Variants in CNTNAP5 observed in about 807,000 individuals in gnomAD.
CNTNAP5 encodes contactin-associated protein-like 5.
Under a neutral mutation model 150.2 loss-of-function variants are expected in CNTNAP5, and 72 were observed. That is an observed-to-expected ratio of 0.48 (90% CI 0.40 to 0.58). CNTNAP5 has a LOEUF of 0.58. Among genes scored for constraint, CNTNAP5 ranks in the 20% least tolerant of loss-of-function variants. The pLI, the probability that CNTNAP5 is intolerant of heterozygous loss-of-function variation, is 0.00. For missense variants in CNTNAP5, 1,636 were observed against 1,626.2 expected, an observed-to-expected ratio of 1.01 and a Z score of -0.10; for synonymous variants, 672 against 619.8, an observed-to-expected ratio of 1.08 and a Z score of -1.25.
At chr2:124,279,403 G>A (rs1377959066) in intron 3 of CNTNAP5, among the ~76,000 whole-genome samples, 1 of 151,934 alleles carries the variant, frequency 6.6e-6, no homozygotes, top group African/African-American at 2.4e-5. Flanking sequence ...GAAAACAGAG[G>A]AACCACCCAG....
intron 1 of CNTNAP5, among the ~76,000 whole-genome samples, chr2:124,161,568 A>T (rs1223118766): frequency 6.6e-6 from 1 of 152,162 alleles, no homozygotes; most frequent in Non-Finnish European, 1.5e-5. Flanking sequence ...AAAATGTATT[A>T]AGTATGTGTT....
chr2:124,786,398 A>AGAAGGAAGGAAGGAAG (rs773411166), intron 17 of CNTNAP5, among the ~76,000 whole-genome samples: 51 of 45,198 alleles, frequency 1.1e-3, no homozygotes, highest in East Asian at 3.4e-3. Context: ...AAAGAAAGAA[A>AGAAGGAAGGAAGGAAG]GAAGGAAGGA....
intron 3 of CNTNAP5, among the ~76,000 whole-genome samples, chr2:124,258,014 T>C (rs1358493247): frequency 6.6e-6 from 1 of 152,192 alleles, no homozygotes. Flanking sequence ...CCGTCACTCA[T>C]TAAATCTGTC....
intron 19 of CNTNAP5, among the ~76,000 whole-genome samples, chr2:124,842,811 T>C (rs1026879379): frequency 6.6e-6 from 1 of 152,092 alleles, no homozygotes; most frequent in African/African-American, 2.4e-5. Flanking sequence ...TAGAAAACCA[T>C]CATAGTTGAG....
At chr2:124,618,554 G>A (rs1482675380) in intron 12 of CNTNAP5, among the ~76,000 whole-genome samples, 1 of 152,112 alleles carries the variant, frequency 6.6e-6, no homozygotes, top group East Asian at 1.9e-4. Flanking sequence ...TGACCACTTT[G>A]ACCTCAGTCT....
At chr2:124,815,123 G>C (rs1310993177) in intron 19 of CNTNAP5, among the ~76,000 whole-genome samples, 1 of 152,180 alleles carries the variant, frequency 6.6e-6, no homozygotes, top group African/African-American at 2.4e-5. Context: ...CAATAACTAA[G>C]TAAGCCTGGG....
chr2:124,064,310 G>A (rs935668037), intron 1 of CNTNAP5, among the ~76,000 whole-genome samples: 2 of 152,048 alleles, frequency 1.3e-5, no homozygotes, highest in East Asian at 1.9e-4. Flanking sequence ...GAGGTCACTC[G>A]CTATAGGGTT....
intron 3 of CNTNAP5, among the ~76,000 whole-genome samples, chr2:124,258,801 T>C (rs1412141476): frequency 3.3e-5 from 5 of 152,210 alleles, no homozygotes; most frequent in African/African-American, 1.2e-4. Flanking sequence ...TATGCATCAT[T>C]GGACCTTTGA....
At chr2:124,755,825 G>A (rs1680828877) in intron 14 of CNTNAP5, among the ~76,000 whole-genome samples, 2 of 152,158 alleles carry the variant, frequency 1.3e-5, no homozygotes. Flanking sequence ...ATTTTTGCTG[G>A]TATCATTGTC....
Position 124,657,673 on chromosome 2 carries a change from C to T in CNTNAP5, c.2077+9715C>T, listed in dbSNP as rs541319880. Reference sequence around the variant, plus strand: ...CAAAACCCAGACTCCTAACTGTAGCCTGCAGAGCTCTGCCAGCCACAGGCC... The same window carrying T: ...CAAAACCCAGACTCCTAACTGTAGCTTGCAGAGCTCTGCCAGCCACAGGCC... On this transcript the variant is annotated intron_variant, in intron 13 of 23. Transcript: ENST00000682447. 4.6e-5 allele frequency among the ~76,000 whole-genome samples: 7 copies of T among 152,320 alleles called. No individual in the cohort carries two copies. In the South Asian group the frequency reaches 1.5e-3, roughly 32 times the overall value.
chr2:124,434,406 G>C, intron 4 of CNTNAP5, 78 bp from the exon 5 acceptor site: 1 of 1,127,686 alleles, frequency 8.9e-7, no homozygotes, highest in Non-Finnish European at 1.3e-6. Flanking sequence ...AACTGGACAT[G>C]AAATAAGATG....
At chr2:124,514,250 ATGT>A (rs141074132) in intron 8 of CNTNAP5, among the ~76,000 whole-genome samples, 5,333 of 152,308 alleles carry the variant, frequency 0.035, 129 homozygotes, top group Non-Finnish European at 0.047. Context: ...AAGGTTGGAA[ATGT>A]TTACCAAAGT....
chr2:124,407,397 G>T (rs1272469260), intron 3 of CNTNAP5, among the ~76,000 whole-genome samples: 1 of 152,098 alleles, frequency 6.6e-6, no homozygotes, highest in African/African-American at 2.4e-5. Context: ...GAGGTCAGGG[G>T]AAAGCTTCCT....
At chr2:124,763,339 T>G (rs1300740133) in intron 14 of CNTNAP5, among the ~76,000 whole-genome samples, 1 of 152,166 alleles carries the variant, frequency 6.6e-6, no homozygotes, top group Non-Finnish European at 1.5e-5. Flanking sequence ...TTTATGGGAA[T>G]GAGAGGTGAG....
intron 12 of CNTNAP5, among the ~76,000 whole-genome samples, chr2:124,640,545 C>G (rs561712015): frequency 6.6e-6 from 1 of 152,108 alleles, no homozygotes; most frequent in Non-Finnish European, 1.5e-5. Context: ...TAGTGAGGCA[C>G]GGATGGATTC....
chr2:124,722,510 A>C (rs1377546262), intron 13 of CNTNAP5, among the ~76,000 whole-genome samples: 1 of 152,158 alleles, frequency 6.6e-6, no homozygotes, highest in Non-Finnish European at 1.5e-5. Context: ...GGCAAATTTT[A>C]TTAGATTTTA....
At chr2:124,831,368 C>G (rs1682713246) in intron 19 of CNTNAP5, among the ~76,000 whole-genome samples, 1 of 151,806 alleles carries the variant, frequency 6.6e-6, no homozygotes, top group African/African-American at 2.4e-5. Context: ...ATCATCATAT[C>G]CATTCCATTC....
chr2:124,615,462 C>G (rs1453739353), intron 12 of CNTNAP5, among the ~76,000 whole-genome samples: 1 of 152,186 alleles, frequency 6.6e-6, no homozygotes. Flanking sequence ...AACTCCTCAT[C>G]CGTTAAAATT....
intron 11 of CNTNAP5, among the ~76,000 whole-genome samples, chr2:124,592,900 G>T (rs904171717): frequency 1.3e-5 from 2 of 151,406 alleles, no homozygotes; most frequent in African/African-American, 4.8e-5. Flanking sequence ...TTGTCCATTT[G>T]CCCTTTTTTT....
Sources: allele counts gnomAD v4.1 joint callset (sites outside exome capture counted in the v4.1 genomes callset), GRCh38; gene constraint gnomAD v4.1.1; transcripts MANE v1.5; gene names NCBI Gene and HGNC (gene_info 2026-07-23, HGNC 2026-07-21).